ARHGAP42: variants seen among roughly 807,000 people sequenced by gnomAD.
The protein encoded by ARHGAP42 is Rho GTPase activating protein 42.
ARHGAP42 carries 63 observed loss-of-function variants against 125.0 expected under a neutral mutation model. The ratio of observed to expected loss-of-function variants is 0.50; its 90% CI spans 0.41 to 0.62. The LOEUF (loss-of-function observed/expected upper bound fraction) is 0.62. ARHGAP42 is among the 20% of genes least tolerant of loss of function. The pLI is 0.00. For missense variants in ARHGAP42, 766 were observed against 1,024.2 expected, an observed-to-expected ratio of 0.75 and a Z score of 3.44; for synonymous variants, 339 against 351.0, an observed-to-expected ratio of 0.97 and a Z score of 0.38.
chr11:100,902,376 A>G (rs1466092677), intron 4 of ARHGAP42, among the ~76,000 whole-genome samples: 1 of 151,986 alleles, frequency 6.6e-6, no homozygotes, highest in Admixed American at 6.6e-5. Context: ...TTTTTTTCCT[A>G]TCTGTAAGCC....
intron 3 of ARHGAP42, among the ~76,000 whole-genome samples, chr11:100,835,751 A>C (rs1017307587): frequency 2.4e-4 from 37 of 151,876 alleles, no homozygotes; most frequent in African/African-American, 8.0e-4. Context: ...TATAAGTAAT[A>C]TGGTATATAT....
At chr11:100,943,141 G>T (rs1295919633) in intron 9 of ARHGAP42, among the ~76,000 whole-genome samples, 1 of 151,816 alleles carries the variant, frequency 6.6e-6, no homozygotes. Flanking sequence ...ATTGTATTAG[G>T]TTGGTGCAAA....
intron 12 of ARHGAP42, among the ~76,000 whole-genome samples, chr11:100,950,694 A>G (rs1421484529): frequency 6.6e-6 from 1 of 152,048 alleles, no homozygotes; most frequent in East Asian, 1.9e-4. Flanking sequence ...GGGTATTTTC[A>G]TAAGTGCTTT....
At chr11:100,913,247 G>A (rs1866973570) in intron 4 of ARHGAP42, among the ~76,000 whole-genome samples, 1 of 152,106 alleles carries the variant, frequency 6.6e-6, no homozygotes, top group Non-Finnish European at 1.5e-5. Context: ...CCGCAAGATG[G>A]AAAGCTTTTT....
At chr11:100,689,717 TAA>T (rs1395463248) in intron 1 of ARHGAP42, among the ~76,000 whole-genome samples, 2 of 152,210 alleles carry the variant, frequency 1.3e-5, no homozygotes, top group African/African-American at 4.8e-5. Flanking sequence ...CTAGGATTCT[TAA>T]GTTTGTGGTG....
At chr11:100,906,955 T>C (rs930331822) in intron 4 of ARHGAP42, among the ~76,000 whole-genome samples, 12 of 152,340 alleles carry the variant, frequency 7.9e-5, no homozygotes, top group Non-Finnish European at 1.5e-4. Flanking sequence ...TTAATGAATA[T>C]GCTCATTCAT....
At chr11:100,961,834 C>A in intron 15 of ARHGAP42, 66 bp downstream of exon 15, 1 of 1,345,432 alleles carries the variant, frequency 7.4e-7, no homozygotes, top group Non-Finnish European at 1.0e-6. Flanking sequence ...GTAGTAACCA[C>A]GTGATTTCTT....
At chr11:100,713,630 TA>T (rs1229187894) in intron 1 of ARHGAP42, among the ~76,000 whole-genome samples, 2 of 151,984 alleles carry the variant, frequency 1.3e-5, no homozygotes, top group Non-Finnish European at 2.9e-5. Flanking sequence ...AATGACCGAG[TA>T]AAAAAAATAA....
chr11:100,903,709 A>T (rs1387142790), intron 4 of ARHGAP42, among the ~76,000 whole-genome samples: 6 of 63,500 alleles, frequency 9.4e-5, no homozygotes, highest in Non-Finnish European at 1.2e-4. Context: ...TGTCCCTCAA[A>T]ATATATATAT....
At chr11:100,975,984 A>G (rs769840531) in intron 19 of ARHGAP42, 73 bp from the exon 20 acceptor site, 2 of 1,431,502 alleles carry the variant, frequency 1.4e-6, no homozygotes, top group Admixed American at 5.7e-5. Context: ...GTTGGAGAAC[A>G]GAAGGGTTTT....
In ARHGAP42 at chr11:100,993,038, T is replaced by C. The variant is rs1858882161; in HGVS notation, c.*4237T>C. 1 of 223,810 alleles carries C rather than the reference T, an allele frequency of 4.5e-6. No individual in the cohort carries two copies. The highest frequency in any genetic ancestry group is 9.6e-6 in the Non-Finnish European group (1 of 103,996). 13.9% of individuals were successfully genotyped at this position (223,810 alleles called of 1,614,324 possible). On this transcript the variant is annotated 3_prime_UTR_variant, in exon 24 of 24. Coordinates refer to ENST00000298815, the MANE Select transcript of ARHGAP42 (RefSeq NM_152432.4). The stretch of plus-strand genomic sequence containing the variant: ...TTTCATTTACTGCCATCATAAATAT[T>C]CTCCACCATTCAAGATGCCTGTGTA...
intron 12 of ARHGAP42, among the ~76,000 whole-genome samples, chr11:100,958,971 A>G (rs1362291222): frequency 6.6e-6 from 1 of 151,686 alleles, no homozygotes; most frequent in Non-Finnish European, 1.5e-5. Flanking sequence ...ATCTATTTTG[A>G]GTTACAAGAA....
At chr11:100,828,646 C>T (rs1198343596) in intron 3 of ARHGAP42, among the ~76,000 whole-genome samples, 2 of 152,078 alleles carry the variant, frequency 1.3e-5, no homozygotes, top group African/African-American at 4.8e-5. Flanking sequence ...GGGGAAAGGG[C>T]CTACCTACTA....
chr11:100,827,002 CTTTTTTTTTT>C (rs869260353), intron 3 of ARHGAP42, among the ~76,000 whole-genome samples: 21 of 80,894 alleles, frequency 2.6e-4, no homozygotes, highest in African/African-American at 9.4e-4. Context: ...GCCTTACATC[CTTTTTTTTTT>C]TTTTTTTTTT....
intron 4 of ARHGAP42, among the ~76,000 whole-genome samples, chr11:100,877,283 A>G (rs1023223315): frequency 5.9e-5 from 9 of 152,304 alleles, no homozygotes; most frequent in African/African-American, 2.2e-4. Flanking sequence ...TATTCCCAGT[A>G]TATCTTTTCT....
chr11:100,740,397 C>T (rs1353048653), intron 1 of ARHGAP42, among the ~76,000 whole-genome samples: 1 of 152,104 alleles, frequency 6.6e-6, no homozygotes, highest in Admixed American at 6.5e-5. Flanking sequence ...TGAGCACTAG[C>T]GTTCTTTTAT....
intron 4 of ARHGAP42, among the ~76,000 whole-genome samples, chr11:100,896,794 G>A (rs1419000760): frequency 6.6e-6 from 1 of 152,140 alleles, no homozygotes; most frequent in Non-Finnish European, 1.5e-5. Flanking sequence ...TAGGTTGCCT[G>A]TTCACTCTGA....
At chr11:100,913,980 G>T (rs1866997238) in intron 5 of ARHGAP42, among the ~76,000 whole-genome samples, 1 of 152,116 alleles carries the variant, frequency 6.6e-6, no homozygotes, top group African/African-American at 2.4e-5. Context: ...TGTCGCCCAG[G>T]CTGGAGTGCA....
intron 4 of ARHGAP42, among the ~76,000 whole-genome samples, chr11:100,900,246 C>G (rs994648720): frequency 6.6e-6 from 1 of 152,210 alleles, no homozygotes; most frequent in South Asian, 2.1e-4. Flanking sequence ...CCACTCTCTT[C>G]TAGCTTGTAG....
Sources: allele counts gnomAD v4.1 joint callset (sites outside exome capture counted in the v4.1 genomes callset), GRCh38; gene constraint gnomAD v4.1.1; transcripts MANE v1.5; gene names NCBI Gene and HGNC (gene_info 2026-07-23, HGNC 2026-07-21).